The following POLN variants were observed in gnomAD, a reference collection of about 807,000 sequenced individuals.
POLN encodes the protein DNA polymerase N.
POLN carries 108 observed loss-of-function variants against 113.5 expected under a neutral mutation model. The observed-to-expected ratio is 0.95, with a 90% confidence interval of 0.81 to 1.12. The LOEUF (loss-of-function observed/expected upper bound fraction) is 1.12, where lower values mean the gene tolerates loss of function less well. POLN is among the 50% of genes most tolerant of loss of function. The pLI, the probability that POLN is intolerant of heterozygous loss-of-function variation, is 0.00. For missense variants in POLN, 1,097 were observed against 1,077.1 expected, an observed-to-expected ratio of 1.02 and a Z score of -0.26; for synonymous variants, 386 against 391.5, an observed-to-expected ratio of 0.99 and a Z score of 0.17.
chr4:2,076,342 A>C (rs912734047), intron 23 of POLN: 1 of 152,494 alleles, frequency 6.6e-6, no homozygotes, highest in Non-Finnish European at 1.5e-5. Flanking sequence ...TGCTCCTTGG[A>C]AACGGGTGAC....
intron 19 of POLN, among the ~76,000 whole-genome samples, chr4:2,108,164 G>A (rs1000190709): frequency 6.6e-6 from 1 of 152,192 alleles, no homozygotes; most frequent in African/African-American, 2.4e-5. Flanking sequence ...CAACTGTGAT[G>A]ATTCTAAACA....
At chr4:2,192,644 A>C (rs1266973324) in intron 7 of POLN, among the ~76,000 whole-genome samples, 1 of 151,702 alleles carries the variant, frequency 6.6e-6, no homozygotes, top group Non-Finnish European at 1.5e-5. Context: ...GGCCATGTCC[A>C]TCCAGTTTTC....
In POLN at chr4:2,085,706, G is replaced by A. The variant is rs1205637637; in HGVS notation, c.2104C>T (p.Gln702Ter). 4.3e-6 allele frequency: 7 copies of A among 1,613,950 alleles called. No individual in the cohort carries two copies. Among genetic ancestry groups the A allele is most frequent in the African/African-American group, 1.3e-5 (1 of 74,930 alleles). The part of the protein sequence containing the change: ...RLAACLGVPI[Q>*]EAAQFLESFL... The stretch of plus-strand genomic sequence containing the variant: ...CTCTCCAAAAACTGGGCAGCTTCCT[G>A]AATAGGAACTCCAAGGCAAGCAGCC... The change falls in exon 21 of 26, where the codon CAG becomes TAG. Residue 702 changes from glutamine to a stop codon, truncating the protein, a stop_gained. Transcript: ENST00000511885. LOFTEE classifies it high-confidence loss of function.
chr4:2,126,254 TC>T lies in POLN; in HGVS notation c.1982+1858del, dbSNP rs1453811723. On this transcript the variant is annotated intron_variant, in intron 19 of 25. Coordinates refer to ENST00000511885, the MANE Select transcript of POLN (RefSeq NM_181808.4). The surrounding 1 kb of genome is among the most constrained non-coding windows in gnomAD (Gnocchi z 4.6). ...ACACAATTTCACAGCTACTCCAAAG[TC>T]CAGGTGAGTGTAGAGTAACATTCTC... is the stretch of plus-strand genomic sequence containing the variant. 6.6e-6 allele frequency among the ~76,000 whole-genome samples: 1 copy of T among 152,206 alleles called. No homozygotes were observed. Among genetic ancestry groups the T allele is most frequent in the African/African-American group, 2.4e-5 (1 of 41,448 alleles).
intron 3 of POLN, among the ~76,000 whole-genome samples, chr4:2,224,896 G>A (rs1159858657): frequency 1.3e-5 from 2 of 152,038 alleles, no homozygotes; most frequent in African/African-American, 4.8e-5. Flanking sequence ...GTTGCAGTGA[G>A]CCGAGATTGC....
chr4:2,227,752 A>G (rs1734435131), intron 3 of POLN: 2 of 152,194 alleles, frequency 1.3e-5, no homozygotes, highest in South Asian at 4.1e-4. Context: ...ATAAGAGCTT[A>G]TATGAGATGG....
chr4:2,207,005 C>T (rs1733862060), intron 5 of POLN, among the ~76,000 whole-genome samples: 1 of 152,104 alleles, frequency 6.6e-6, no homozygotes, highest in Non-Finnish European at 1.5e-5. Flanking sequence ...ACCCAAATGC[C>T]CATCAATCAA....
chr4:2,086,848 G>C (rs1298957588), intron 20 of POLN, among the ~76,000 whole-genome samples: 2 of 152,166 alleles, frequency 1.3e-5, no homozygotes, highest in East Asian at 1.9e-4. Flanking sequence ...GGTGCTCCAG[G>C]GACCTTTGGA....
intron 7 of POLN, among the ~76,000 whole-genome samples, chr4:2,182,884 T>A (rs1487580159): frequency 1.3e-5 from 2 of 150,420 alleles, no homozygotes; most frequent in Non-Finnish European, 3.0e-5. Context: ...AGTCACAGAT[T>A]GGGAGAAAGT....
chr4:2,094,363 C>CAGAAAAAAAAAAAA (rs1730734062), intron 20 of POLN, among the ~76,000 whole-genome samples: 1 of 53,364 alleles, frequency 1.9e-5, no homozygotes, highest in Non-Finnish European at 3.1e-5. Context: ...GTTCTGTCTC[C>CAGAAAAAAAAAAAA]AAAAAAAAAA....
chr4:2,186,869 T>C (rs976286950), intron 7 of POLN, among the ~76,000 whole-genome samples: 12 of 152,130 alleles, frequency 7.9e-5, no homozygotes, highest in African/African-American at 2.7e-4. Context: ...ATCTCTAAAA[T>C]AACACAGAAA....
At chr4:2,171,028 T>A in intron 12 of POLN, 70 bp downstream of exon 12, 1 of 1,350,240 alleles carries the variant, frequency 7.4e-7, no homozygotes, top group African/African-American at 1.5e-5. Flanking sequence ...ACTTATAAAT[T>A]CAAAATAAAT....
At chr4:2,239,049 C>G (rs917242666) in intron 2 of POLN, 3 of 1,437,688 alleles carry the variant, frequency 2.1e-6, no homozygotes, top group Non-Finnish European at 2.8e-6. Flanking sequence ...ACAGCCTATA[C>G]AAAGAAAAGC....
At chr4:2,103,395 C>A (rs186755102) in intron 19 of POLN, among the ~76,000 whole-genome samples, 1 of 151,948 alleles carries the variant, frequency 6.6e-6, no homozygotes, top group African/African-American at 2.4e-5. Flanking sequence ...CTTTTGGAAT[C>A]CACTAAGAAA....
At chr4:2,090,550 C>A in intron 20 of POLN, 1 of 472,316 alleles carries the variant, frequency 2.1e-6, no homozygotes. Flanking sequence ...TACAGACTGG[C>A]CATGGTGATC....
rs180812538 is a variant in POLN at position 2,240,067 on chromosome 4, C to G, written c.-13+1453G>C. Reference sequence around the variant, plus strand: ...CTGGTTAGGCTGTGAAGACTCTCCTCTGCCCATTTTATACTTGACTTCATG... The same window carrying G: ...CTGGTTAGGCTGTGAAGACTCTCCTGTGCCCATTTTATACTTGACTTCATG... On this transcript the variant is annotated intron_variant, in intron 2 of 25. Coordinates refer to ENST00000511885, the MANE Select transcript of POLN (RefSeq NM_181808.4). 1.9e-6 allele frequency: 3 copies of G among 1,613,866 alleles called. No homozygotes were observed. The South Asian group carries it at 3.3e-5, about 18-fold the overall frequency.
intron 19 of POLN, among the ~76,000 whole-genome samples, chr4:2,103,610 C>A (rs1298664248): frequency 6.6e-6 from 1 of 152,044 alleles, no homozygotes; most frequent in Non-Finnish European, 1.5e-5. Context: ...CTCAGCAATC[C>A]CCGGGAAAAT....
At chr4:2,222,695 CTTTTT>C (rs1314577025) in intron 3 of POLN, among the ~76,000 whole-genome samples, 1 of 129,384 alleles carries the variant, frequency 7.7e-6, no homozygotes, top group African/African-American at 3.2e-5. Context: ...CACCCACGGC[CTTTTT>C]TTTTTTTTTT....
intron 3 of POLN, 120 bp from the exon 4 acceptor site, chr4:2,213,246 TACTTA>T (rs953613549): frequency 1.4e-4 from 76 of 527,332 alleles, no homozygotes; most frequent in African/African-American, 1.2e-3. Context: ...ATTATTAACT[TACTTA>T]AAACAATGTA....
Sources: allele counts gnomAD v4.1 joint callset (sites outside exome capture counted in the v4.1 genomes callset), GRCh38; gene constraint gnomAD v4.1.1; non-coding constraint Gnocchi (gnomAD v3.1); transcripts MANE v1.5; gene names NCBI Gene and HGNC (gene_info 2026-07-23, HGNC 2026-07-21).